Variants in MBNL1 observed in about 807,000 individuals in gnomAD.
MBNL1 encodes the protein muscleblind-like protein 1.
MBNL1 carries 8 observed loss-of-function variants against 42.2 expected under a neutral mutation model. The ratio of observed to expected loss-of-function variants is 0.19; its 90% CI spans 0.11 to 0.34. The LOEUF (loss-of-function observed/expected upper bound fraction) is 0.34. MBNL1 is among the 10% of genes least tolerant of loss of function. The probability of loss-of-function intolerance (pLI) is 1.00; values close to 1 mark genes in which losing one functional copy is unlikely to be tolerated. For synonymous variants in MBNL1, 169 were observed against 173.9 expected (o/e 0.97, Z 0.22); for missense variants, 309 against 495.3 (o/e 0.62, Z 3.57).
intron 1 of MBNL1, among the ~76,000 whole-genome samples, chr3:152,295,778 A>G (rs945688920): frequency 6.6e-6 from 1 of 152,254 alleles, no homozygotes; most frequent in African/African-American, 2.4e-5. Flanking sequence ...GTGTGTGTCA[A>G]ACCAAACAGG....
At chr3:152,251,058 C>T (rs2034446278) in intron 2 of MBNL1, among the ~76,000 whole-genome samples, 2 of 152,058 alleles carry the variant, frequency 1.3e-5, no homozygotes, top group Admixed American at 1.3e-4. Flanking sequence ...TAAATGTAAT[C>T]CAGCATATAA....
chr3:152,325,703 C>T (rs780396366), intron 2 of MBNL1, among the ~76,000 whole-genome samples: 8 of 149,440 alleles, frequency 5.4e-5, no homozygotes, highest in Non-Finnish European at 8.9e-5. Flanking sequence ...GTAGCAAAGC[C>T]CTGTTTGTAA....
chr3:152,298,301 G>C (rs755740252), intron 1 of MBNL1, among the ~76,000 whole-genome samples: 4 of 152,074 alleles, frequency 2.6e-5, no homozygotes, highest in Non-Finnish European at 4.4e-5. Context: ...AAATAAAGAA[G>C]AAAAATCCTG....
At chr3:152,441,489 C>T (rs1399329222) in intron 4 of MBNL1, among the ~76,000 whole-genome samples, 1 of 152,166 alleles carries the variant, frequency 6.6e-6, no homozygotes, top group Non-Finnish European at 1.5e-5. Flanking sequence ...CAATTTTTGA[C>T]TCCAAACCCT....
intron 2 of MBNL1, chr3:152,396,318 C>T (rs2097932703): frequency 5.8e-6 from 1 of 173,480 alleles, no homozygotes; most frequent in African/African-American, 2.4e-5. Context: ...CATCCCCAAA[C>T]CATCCGCCAC....
At chr3:152,360,719 A>G (rs73009946) in intron 2 of MBNL1, among the ~76,000 whole-genome samples, 2,420 of 152,210 alleles carry the variant, frequency 0.016, 57 homozygotes, top group African/African-American at 0.055. Flanking sequence ...AAACCCAACA[A>G]AAATTATAAT....
At chr3:152,450,280 A>G (rs1156251217) in intron 6 of MBNL1, among the ~76,000 whole-genome samples, 1 of 152,186 alleles carries the variant, frequency 6.6e-6, no homozygotes, top group African/African-American at 2.4e-5. Context: ...TATTAATCAC[A>G]TAATCAGAAG....
chr3:152,359,784 A>G (rs1174178428), intron 2 of MBNL1, among the ~76,000 whole-genome samples: 3 of 152,188 alleles, frequency 2.0e-5, no homozygotes, highest in Non-Finnish European at 4.4e-5. Context: ...CAGATAGAAA[A>G]TTCCTCAGTG....
At chr3:152,386,098 T>G (rs2153439347) in intron 2 of MBNL1, among the ~76,000 whole-genome samples, 1 of 152,156 alleles carries the variant, frequency 6.6e-6, no homozygotes, top group East Asian at 1.9e-4. Flanking sequence ...AGCACAGTAT[T>G]TGAAGATTTT....
intron 2 of MBNL1, among the ~76,000 whole-genome samples, chr3:152,342,356 T>C (rs1298581056): frequency 6.6e-6 from 1 of 152,138 alleles, no homozygotes; most frequent in Non-Finnish European, 1.5e-5. Flanking sequence ...ATGAATAATA[T>C]TGTCTCCTTC....
At chr3:152,309,032 G>A (rs1468169507) in intron 2 of MBNL1, among the ~76,000 whole-genome samples, 8 of 152,160 alleles carry the variant, frequency 5.3e-5, no homozygotes, top group Non-Finnish European at 1.0e-4. Context: ...ATATTAGGTG[G>A]TGGCGGCAAT....
chr3:152,423,723 G>A (rs1447908969), intron 3 of MBNL1, among the ~76,000 whole-genome samples: 2 of 152,104 alleles, frequency 1.3e-5, no homozygotes, highest in Non-Finnish European at 2.9e-5. Flanking sequence ...ACATTAAAAA[G>A]CTTATCCACC....
chr3:152,314,471 G>A (rs1240702616), intron 2 of MBNL1, among the ~76,000 whole-genome samples: 2 of 151,946 alleles, frequency 1.3e-5, no homozygotes, highest in Non-Finnish European at 2.9e-5. Flanking sequence ...CACCTCCCGG[G>A]TTGAAGCGAT....
chr3:152,291,489 A>G (rs1173572880), intron 1 of MBNL1, among the ~76,000 whole-genome samples: 3 of 152,220 alleles, frequency 2.0e-5, no homozygotes, highest in African/African-American at 4.8e-5. Context: ...GACATCCCCA[A>G]TATACTAAAC....
chr3:152,304,188 A>G (rs2061884080), intron 2 of MBNL1, among the ~76,000 whole-genome samples: 1 of 144,952 alleles, frequency 6.9e-6, no homozygotes, highest in Non-Finnish European at 1.6e-5. Flanking sequence ...AAGCACTCAA[A>G]ATCAGTAAGG....
At chr3:152,364,091 G>A (rs976151778) in intron 2 of MBNL1, among the ~76,000 whole-genome samples, 3 of 151,872 alleles carry the variant, frequency 2.0e-5, no homozygotes, top group Admixed American at 2.0e-4. Context: ...AATTCAAGAT[G>A]CCCTTTATTT....
chr3:152,419,766 G>A (rs1250772683), intron 3 of MBNL1, among the ~76,000 whole-genome samples: 6 of 152,082 alleles, frequency 3.9e-5, no homozygotes, highest in East Asian at 1.9e-4. Flanking sequence ...AGACAGAACC[G>A]TTCACTCCCC....
At chr3:152,387,512 A>G (rs79437112) in intron 2 of MBNL1, among the ~76,000 whole-genome samples, 10,830 of 152,242 alleles carry the variant, frequency 0.071, 508 homozygotes, top group Middle Eastern at 0.16. Context: ...CATGTAGTCA[A>G]GGACCAAAAT....
intron 2 of MBNL1, among the ~76,000 whole-genome samples, chr3:152,328,086 A>G (rs1227858405): frequency 2.0e-5 from 3 of 152,144 alleles, no homozygotes; most frequent in Non-Finnish European, 4.4e-5. Flanking sequence ...ATTTAATTTG[A>G]CTTCTATTTT....
Sources: gnomAD v4.1 joint callset for allele counts (sites outside exome capture counted in the v4.1 genomes callset) on GRCh38, gnomAD v4.1.1 for gene constraint, MANE v1.5 for transcripts, NCBI Gene and HGNC (gene_info 2026-07-23, HGNC 2026-07-21) for gene names.